Variants in UBE2E2 observed in about 807,000 individuals in gnomAD.
UBE2E2 encodes the protein ubiquitin conjugating enzyme E2 E2.
In UBE2E2, 6 loss-of-function variants were observed where a neutral mutation model predicts 24.7. That is an observed-to-expected ratio of 0.24 (90% CI 0.13 to 0.48). The LOEUF is 0.48. Ranked by LOEUF, UBE2E2 falls within the 20% of genes least tolerant of loss-of-function variation. UBE2E2 has a pLI of 0.99. For synonymous variants in UBE2E2, 104 were observed against 83.6 expected (o/e 1.24, Z -1.33); for missense variants, 169 against 245.0 (o/e 0.69, Z 2.07).
intron 5 of UBE2E2, among the ~76,000 whole-genome samples, chr3:23,557,623 C>A (rs980791195): frequency 6.6e-6 from 1 of 152,216 alleles, no homozygotes; most frequent in African/African-American, 2.4e-5. Context: ...AAACTCTACA[C>A]AAACAGTGGC....
At chr3:23,241,641 T>C (rs13087234) in intron 3 of UBE2E2, among the ~76,000 whole-genome samples, 16,143 of 152,076 alleles carry the variant, frequency 0.11, 988 homozygotes, top group East Asian at 0.13. Context: ...CACCCAATTA[T>C]TTTTACTCCG....
chr3:23,448,714 C>A (rs886647102), intron 3 of UBE2E2, among the ~76,000 whole-genome samples: 1 of 152,034 alleles, frequency 6.6e-6, no homozygotes, highest in African/African-American at 2.4e-5. Flanking sequence ...CTTTCTTTAT[C>A]CTCATCTTTC....
intron 3 of UBE2E2, among the ~76,000 whole-genome samples, chr3:23,382,274 C>T (rs1446386345): frequency 3.9e-4 from 57 of 145,666 alleles, no homozygotes; most frequent in Admixed American, 3.9e-3. Flanking sequence ...CACCACCTAT[C>T]GGGTTCAAGC....
At chr3:23,425,023 A>G (rs1697891099) in intron 3 of UBE2E2, among the ~76,000 whole-genome samples, 5 of 152,188 alleles carry the variant, frequency 3.3e-5, no homozygotes, top group Admixed American at 3.3e-4. Flanking sequence ...AAATTAGTAT[A>G]ATAAAGACTT....
chr3:23,387,675 GT>G (rs1460277615), intron 3 of UBE2E2, among the ~76,000 whole-genome samples: 1 of 152,104 alleles, frequency 6.6e-6, no homozygotes, highest in East Asian at 1.9e-4. Flanking sequence ...GTTAGGTATT[GT>G]TTTAAGCACT....
At chr3:23,401,289 C>G (rs1159914480) in intron 3 of UBE2E2, among the ~76,000 whole-genome samples, 1 of 152,084 alleles carries the variant, frequency 6.6e-6, no homozygotes, top group East Asian at 1.9e-4. Context: ...ACTTTGGAGG[C>G]TAAGAATTAT....
At chr3:23,447,379 A>G (rs1012101646) in intron 3 of UBE2E2, among the ~76,000 whole-genome samples, 1 of 152,226 alleles carries the variant, frequency 6.6e-6, no homozygotes, top group Non-Finnish European at 1.5e-5. Flanking sequence ...GCCTATTTTT[A>G]CATATTTTAA....
At chr3:23,314,337 C>T (rs1694509319) in intron 3 of UBE2E2, among the ~76,000 whole-genome samples, 1 of 152,110 alleles carries the variant, frequency 6.6e-6, no homozygotes, top group South Asian at 2.1e-4. Flanking sequence ...ATCATGTTGT[C>T]CAGGCTGGTC....
chr3:23,413,919 T>G (rs1166701429), intron 3 of UBE2E2, among the ~76,000 whole-genome samples: 6 of 152,200 alleles, frequency 3.9e-5, no homozygotes, highest in African/African-American at 1.4e-4. Context: ...ATGCATATAT[T>G]TATCGTTATT....
At chr3:23,473,926 G>A (rs1350906974) in intron 3 of UBE2E2, among the ~76,000 whole-genome samples, 3 of 152,066 alleles carry the variant, frequency 2.0e-5, no homozygotes, top group Middle Eastern at 3.4e-3. Context: ...ACCCAGTAGC[G>A]GGATTGCTGG....
intron 5 of UBE2E2, among the ~76,000 whole-genome samples, chr3:23,563,834 G>A (rs12637722): frequency 0.29 from 44,183 of 151,706 alleles, 6,886 homozygotes; most frequent in East Asian, 0.51. Context: ...TGTATTTTCC[G>A]TAAGACTGCA....
chr3:23,503,648 G>A (rs1020676908), intron 4 of UBE2E2, among the ~76,000 whole-genome samples: 4 of 151,906 alleles, frequency 2.6e-5, no homozygotes, highest in Non-Finnish European at 5.9e-5. Flanking sequence ...GAGATCAGGA[G>A]TTCGAGACCA....
At chr3:23,287,126 G>T (rs1286171958) in intron 3 of UBE2E2, among the ~76,000 whole-genome samples, 1 of 151,914 alleles carries the variant, frequency 6.6e-6, no homozygotes, top group Non-Finnish European at 1.5e-5. Context: ...TTTTTTGATG[G>T]TTTTTATCAT....
At chr3:23,522,304 G>A (rs1694887457) in intron 4 of UBE2E2, among the ~76,000 whole-genome samples, 1 of 151,850 alleles carries the variant, frequency 6.6e-6, no homozygotes, top group South Asian at 2.1e-4. Flanking sequence ...CTAATTTTGT[G>A]CATTTTTAGT....
intron 4 of UBE2E2, among the ~76,000 whole-genome samples, chr3:23,502,060 A>AG (rs907702722): frequency 6.6e-6 from 1 of 152,204 alleles, no homozygotes; most frequent in Non-Finnish European, 1.5e-5. Flanking sequence ...TACTCGAGGG[A>AG]GAAAAAACTT....
chr3:23,533,619 ATTTTTTTTTTTTT>A (rs759984741), intron 5 of UBE2E2, among the ~76,000 whole-genome samples: 1 of 108,508 alleles, frequency 9.2e-6, no homozygotes, highest in East Asian at 2.7e-4. Context: ...GCAAATTAGT[ATTTTTTTTTTTTT>A]TTTTTTTTTG....
intron 3 of UBE2E2, among the ~76,000 whole-genome samples, chr3:23,283,554 C>G (rs1428189585): frequency 6.6e-6 from 1 of 152,126 alleles, no homozygotes; most frequent in Non-Finnish European, 1.5e-5. Flanking sequence ...TAGTGAGGCC[C>G]TATCTCTACA....
chr3:23,276,407 A>C (rs1390567146), intron 3 of UBE2E2, among the ~76,000 whole-genome samples: 2 of 152,194 alleles, frequency 1.3e-5, no homozygotes, highest in Non-Finnish European at 2.9e-5. Context: ...ATTCTAATAT[A>C]TAAACTAAGG....
chr3:23,512,334 C>T (rs572707400), intron 4 of UBE2E2, among the ~76,000 whole-genome samples: 2 of 152,208 alleles, frequency 1.3e-5, no homozygotes, highest in African/African-American at 4.8e-5. Context: ...TCTCCCACCT[C>T]AGCCTCCCAA....
Sources: gnomAD v4.1 joint callset for allele counts (sites outside exome capture counted in the v4.1 genomes callset) on GRCh38, gnomAD v4.1.1 for gene constraint, MANE v1.5 for transcripts, NCBI Gene and HGNC (gene_info 2026-07-23, HGNC 2026-07-21) for gene names.